Variants in PTPRT observed in about 807,000 individuals in gnomAD.
PTPRT encodes protein tyrosine phosphatase receptor type T, also known as receptor-type tyrosine-protein phosphatase T.
PTPRT carries 56 observed loss-of-function variants against 176.8 expected under a neutral mutation model. The ratio of observed to expected loss-of-function variants is 0.32; its 90% CI spans 0.26 to 0.40. The LOEUF (loss-of-function observed/expected upper bound fraction) is 0.40. Among genes scored for constraint, PTPRT ranks in the 10% least tolerant of loss-of-function variants. The pLI is 1.00. For missense variants in PTPRT, 1,540 were observed against 1,908.2 expected, an observed-to-expected ratio of 0.81 and a Z score of 3.60; for synonymous variants, 783 against 739.0, an observed-to-expected ratio of 1.06 and a Z score of -0.96.
intron 10 of PTPRT, 39 bp from the exon 11 acceptor site, chr20:42,350,769 G>T (rs2058271820): frequency 6.8e-7 from 1 of 1,469,546 alleles, no homozygotes; most frequent in Admixed American, 1.7e-5. Context: ...GTTCAGCACA[G>T]ATTCCCAACT....
intron 7 of PTPRT, among the ~76,000 whole-genome samples, chr20:42,509,042 A>T (rs1267513272): frequency 5.0e-5 from 2 of 39,746 alleles, no homozygotes; most frequent in African/African-American, 2.9e-4. Context: ...TATAAATTAT[A>T]TAATTTATAT....
intron 16 of PTPRT, among the ~76,000 whole-genome samples, chr20:42,184,614 T>TCTTCTCCTCCTC (rs1990692690): frequency 1.4e-5 from 2 of 142,670 alleles, no homozygotes; most frequent in South Asian, 4.6e-4. Flanking sequence ...TTCTTCTTCT[T>TCTTCTCCTCCTC]CTCCTCCTTC....
intron 13 of PTPRT, among the ~76,000 whole-genome samples, chr20:42,253,709 A>T (rs949113112): frequency 6.6e-6 from 1 of 152,154 alleles, no homozygotes; most frequent in Non-Finnish European, 1.5e-5. Context: ...GTGTGATGTG[A>T]TAACCAAAAA....
chr20:42,926,601 A>C (rs1979497310), intron 1 of PTPRT, among the ~76,000 whole-genome samples: 1 of 152,146 alleles, frequency 6.6e-6, no homozygotes, highest in Non-Finnish European at 1.5e-5. Context: ...TTCCCTGAGC[A>C]GAGAATGCAT....
intron 7 of PTPRT, among the ~76,000 whole-genome samples, chr20:42,614,409 G>C (rs1333305316): frequency 6.6e-6 from 1 of 152,110 alleles, no homozygotes; most frequent in African/African-American, 2.4e-5. Flanking sequence ...ATAGTACCTT[G>C]TACCAATCCA....
intron 7 of PTPRT, among the ~76,000 whole-genome samples, chr20:42,621,389 C>G (rs1311037961): frequency 2.6e-5 from 4 of 152,194 alleles, no homozygotes; most frequent in African/African-American, 7.2e-5. Context: ...ACCTCCTGTC[C>G]CCACCACATA....
chr20:42,805,375 T>A (rs1222084493), intron 2 of PTPRT, among the ~76,000 whole-genome samples: 1 of 152,186 alleles, frequency 6.6e-6, no homozygotes, highest in Non-Finnish European at 1.5e-5. Flanking sequence ...CTTGTCTGCA[T>A]TGAAGCTATA....
intron 1 of PTPRT, among the ~76,000 whole-genome samples, chr20:43,000,630 T>C (rs1236868104): frequency 6.6e-6 from 1 of 151,992 alleles, no homozygotes; most frequent in East Asian, 1.9e-4. Context: ...AATGTAATTA[T>C]AAAAAAATCA....
intron 1 of PTPRT, among the ~76,000 whole-genome samples, chr20:43,129,027 C>T (rs1050788915): frequency 6.6e-6 from 1 of 152,184 alleles, no homozygotes; most frequent in Non-Finnish European, 1.5e-5. Flanking sequence ...GCTATAAGCT[C>T]CTTGAAGGTC....
At chr20:42,850,647 A>G (rs180790074) in intron 2 of PTPRT, among the ~76,000 whole-genome samples, 2 of 152,336 alleles carry the variant, frequency 1.3e-5, no homozygotes, top group East Asian at 3.9e-4. Flanking sequence ...CCCCAAAGGC[A>G]GTGGCACTTA....
intron 2 of PTPRT, among the ~76,000 whole-genome samples, chr20:42,884,549 T>C (rs2079073709): frequency 6.6e-6 from 1 of 152,068 alleles, no homozygotes; most frequent in Admixed American, 6.5e-5. Flanking sequence ...CTGAGACATC[T>C]AGGCTGGAGG....
chr20:43,055,652 C>G (rs1275749593), intron 1 of PTPRT, among the ~76,000 whole-genome samples: 1 of 152,158 alleles, frequency 6.6e-6, no homozygotes. Flanking sequence ...TGTTTTCTTC[C>G]TAGCATGACC....
At chr20:42,972,376 T>C (rs974556783) in intron 1 of PTPRT, among the ~76,000 whole-genome samples, 1 of 151,152 alleles carries the variant, frequency 6.6e-6, no homozygotes, top group African/African-American at 2.4e-5. Flanking sequence ...AATAAAGAAT[T>C]TGAAGCTGGG....
At chr20:42,543,312 T>C (rs1035461828) in intron 7 of PTPRT, among the ~76,000 whole-genome samples, 1 of 152,218 alleles carries the variant, frequency 6.6e-6, no homozygotes, top group Non-Finnish European at 1.5e-5. Context: ...TCCTTTGTTG[T>C]CATTTTACCA....
At chr20:42,874,310 T>G (rs2145833002) in intron 2 of PTPRT, among the ~76,000 whole-genome samples, 2 of 152,276 alleles carry the variant, frequency 1.3e-5, no homozygotes, top group East Asian at 3.9e-4. Context: ...CCGAACAACA[T>G]GCAGGTTCAC....
At chr20:42,987,221 C>T (rs1467311119) in intron 1 of PTPRT, among the ~76,000 whole-genome samples, 2 of 152,174 alleles carry the variant, frequency 1.3e-5, no homozygotes, top group African/African-American at 2.4e-5. Flanking sequence ...AGGAGCTTCT[C>T]CCCCAGCTGC....
chr20:43,089,226 C>T (rs1330768894), intron 1 of PTPRT, among the ~76,000 whole-genome samples: 1 of 152,186 alleles, frequency 6.6e-6, no homozygotes, highest in Non-Finnish European at 1.5e-5. Context: ...AAACCACCAG[C>T]TAGTACATGC....
chr20:42,265,587 C>A (rs1271509017), intron 13 of PTPRT, among the ~76,000 whole-genome samples: 2 of 152,152 alleles, frequency 1.3e-5, no homozygotes, highest in Non-Finnish European at 2.9e-5. Flanking sequence ...CCTCTGCTGC[C>A]TGTCTTCGCC....
At chr20:42,179,998 G>T (rs748534750) in intron 16 of PTPRT, among the ~76,000 whole-genome samples, 1 of 152,152 alleles carries the variant, frequency 6.6e-6, no homozygotes, top group Non-Finnish European at 1.5e-5. Flanking sequence ...TCCTGGATGC[G>T]GTGGCTCCGG....
Sources: allele counts gnomAD v4.1 joint callset (sites outside exome capture counted in the v4.1 genomes callset), GRCh38; gene constraint gnomAD v4.1.1; transcripts MANE v1.5; gene names NCBI Gene and HGNC (gene_info 2026-07-23, HGNC 2026-07-21).